Variants in IDUA observed in about 807,000 individuals in gnomAD.
IDUA encodes the protein alpha-L-iduronidase, also known as iduronidase alpha-L-.
In IDUA, 65 loss-of-function variants were observed where a neutral mutation model predicts 68.9. The observed-to-expected ratio is 0.94, with a 90% CI of 0.77 to 1.16. The LOEUF is 1.16. Among genes scored for constraint, IDUA ranks in the 50% most tolerant of loss-of-function variants. The probability of loss-of-function intolerance (pLI) is 0.00; values close to 1 mark genes in which losing one functional copy is unlikely to be tolerated. For synonymous variants in IDUA, 529 were observed against 433.6 expected (o/e 1.22, Z -2.73); for missense variants, 1,046 against 938.0 (o/e 1.12, Z -1.50).
At chr4:988,937 C>G (rs142262555) in intron 2 of IDUA, 2 of 1,598,702 alleles carry the variant, frequency 1.3e-6, no homozygotes, top group Non-Finnish European at 1.7e-6. Flanking sequence ...GCCGTGTCCC[C>G]GGGGCCCTCC....
At chr4:987,699 G>A in intron 1 of IDUA, 110 bp from the exon 2 acceptor site, 2 of 1,548,394 alleles carry the variant, frequency 1.3e-6, no homozygotes, top group Non-Finnish European at 1.7e-6. Context: ...TGAACGCACG[G>A]GCAGCGCCTG....
intron 2 of IDUA, chr4:991,144 A>G (rs751743801): frequency 1.3e-6 from 2 of 1,544,856 alleles, no homozygotes; most frequent in Admixed American, 3.7e-5. Flanking sequence ...AAGCCCGGTC[A>G]TCAGCGTGAG....
rs113373271 is a variant in IDUA, at chr4:1,002,109, C to T, written c.920C>T (p.Ser307Phe). The change falls in exon 7 of 14, where the codon TCC (serine) becomes TTC (phenylalanine). Residue 307 changes from serine to phenylalanine, a missense_variant. Transcript: ENST00000514224. ...NDEADPLVGW[S>F]LPQPWRADVT... ...GAGGCGGACCCGCTGGTGGGCTGGTCCCTGCCACAGCCGTGGAGGGCGGAC... is the reference window on the plus strand; with the variant it reads ...GAGGCGGACCCGCTGGTGGGCTGGTTCCTGCCACAGCCGTGGAGGGCGGAC... 1.0e-5 allele frequency: 16 copies of T among 1,572,458 alleles called. No individual in the cohort carries two copies. The African/African-American group carries it at 1.2e-4, about 12-fold the overall frequency.
intron 2 of IDUA, among the ~76,000 whole-genome samples, chr4:998,403 A>C (rs1034543989): frequency 6.6e-6 from 1 of 152,096 alleles, no homozygotes; most frequent in Non-Finnish European, 1.5e-5. Context: ...ATAGGGCCAG[A>C]TTCCGGTCCA....
rs375392649 is a variant in IDUA, at chr4:1,003,497, C to A, written c.1650+27C>A. ...CAAGTGGCAGTCCCCTAACCCGCGC[C>A]GCGGCCCGGACTCCCCTTCCCCGAC... On this transcript the variant is annotated intron_variant, in intron 11 of 13. Coordinates refer to ENST00000514224, the MANE Select transcript of IDUA (RefSeq NM_000203.5). The A allele has an allele frequency of 8.1e-6, 13 of 1,595,602 alleles. No homozygotes were observed. The East Asian group carries it at 2.7e-4, about 33-fold the overall frequency.
At chr4:1,003,854 C>CCT in intron 12 of IDUA, 158 bp from the exon 13 acceptor site, 2 of 821,066 alleles carry the variant, frequency 2.4e-6, no homozygotes, top group Admixed American at 1.9e-5. Flanking sequence ...GGGCTCCAGC[C>CCT]CTCTCCTGCC....
rs1207917122 is a variant in IDUA at position 1,000,666 on chromosome 4, G to C, written c.354G>C (p.Leu118=). The part of the protein sequence containing the change: ...SYNFTHLDGY[L]DLLRENQLLP... ...ACTTCACCCACCTGGACGGGTACCT[G>C]GACCTTCTCAGGGAGAACCAGCTCC... The change falls in exon 3 of 14, where the codon CTG becomes CTC. Residue 118 remains leucine (L), a synonymous_variant. Coordinates refer to ENST00000514224, the MANE Select transcript of IDUA (RefSeq NM_000203.5). The C allele has an allele frequency of 3.1e-6, 5 of 1,612,436 alleles. No individual in the cohort carries two copies. Among genetic ancestry groups the C allele is most frequent in the Non-Finnish European group, 4.2e-6 (5 of 1,179,798 alleles).
intron 2 of IDUA, chr4:991,729 A>G: frequency 1.3e-6 from 2 of 1,530,244 alleles, no homozygotes; most frequent in Non-Finnish European, 1.7e-6. Context: ...CCCGTGGCCG[A>G]CCTGCGGCCG....
At chr4:1,003,307 T>TC in intron 10 of IDUA, 38 bp from the exon 11 acceptor site, 2 of 1,404,536 alleles carry the variant, frequency 1.4e-6, no homozygotes, top group Non-Finnish European at 1.8e-6. Context: ...CGTCCCCAGC[T>TC]CCCCTGGAGA....
At chr4:997,531 G>C (rs1243836277) in intron 2 of IDUA, among the ~76,000 whole-genome samples, 2 of 151,168 alleles carry the variant, frequency 1.3e-5, no homozygotes, top group East Asian at 1.9e-4. Context: ...GCTCAGCCGC[G>C]GCCGCGCGGT....
At chr4:996,085 C>T (rs879269375) in intron 2 of IDUA, among the ~76,000 whole-genome samples, 1 of 152,230 alleles carries the variant, frequency 6.6e-6, no homozygotes, top group Non-Finnish European at 1.5e-5. Context: ...TCTGATTTCT[C>T]CTCGAAGCCC....
At chr4:996,936 G>A (rs1216513077) in intron 2 of IDUA, among the ~76,000 whole-genome samples, 1 of 152,172 alleles carries the variant, frequency 6.6e-6, no homozygotes, top group Non-Finnish European at 1.5e-5. Flanking sequence ...GGGGGCCCCA[G>A]CAACTGGGAC....
intron 3 of IDUA, 76 bp downstream of exon 3, chr4:1,000,773 C>T: frequency 2.0e-6 from 3 of 1,470,654 alleles, no homozygotes; most frequent in South Asian, 1.1e-5. Context: ...CCCAGCCCCT[C>T]TGAGTCCTTG....
At chr4:1,003,301 C>T in intron 10 of IDUA, 44 bp from the exon 11 acceptor site, 1 of 1,401,836 alleles carries the variant, frequency 7.1e-7, no homozygotes, top group Non-Finnish European at 9.2e-7. Context: ...GCCGAGCGTC[C>T]CCAGCTCCCC....
Position 1,004,157 on chromosome 4 carries a change from G to A in IDUA, c.1828+45G>A. 2 of 1,611,344 alleles carry A rather than the reference G, an allele frequency of 1.2e-6. No individual in the cohort carries two copies. The highest frequency in any genetic ancestry group is 2.2e-5 in the South Asian group (2 of 91,026). On this transcript the variant is annotated intron_variant, in intron 13 of 13. Coordinates refer to ENST00000514224, the MANE Select transcript of IDUA (RefSeq NM_000203.5). The surrounding 1 kb of genome is among the most constrained non-coding windows in gnomAD (Gnocchi z 5.0). ...CCCTGGACTCGGCCACCCCATTCTT[G>A]GGCCTCAGGGCAGTACTGGGTGGGG... is the stretch of plus-strand genomic sequence containing the variant.
chr4:1,000,401 G>A (rs1715000823), intron 2 of IDUA, among the ~76,000 whole-genome samples: 1 of 152,162 alleles, frequency 6.6e-6, no homozygotes, highest in African/African-American at 2.4e-5. Context: ...TGATGGTGTA[G>A]GGTTGGGGGG....
rs1686281502 is a variant in IDUA, at chr4:990,502, C to G, written c.299+2553C>G. ...TGTTGCGGCCCCGTGTGTTCCAAAC[C>G]AGACTCCTCACACGGGCCTGAGTTC... On this transcript the variant is annotated intron_variant, in intron 2 of 13. Transcript: ENST00000514224. 5 of 810,814 alleles carry G rather than the reference C, an allele frequency of 6.2e-6. No individual in the cohort carries two copies. The South Asian group carries it at 9.1e-5, about 15-fold the overall frequency. The allele number at this position is 810,814 out of a possible 1,614,324, so 50.2% of individuals were successfully genotyped here.
At chr4:987,631 C>T (rs1713838727) in intron 1 of IDUA, 178 bp from the exon 2 acceptor site, 2 of 1,444,582 alleles carry the variant, frequency 1.4e-6, no homozygotes, top group Non-Finnish European at 1.8e-6. Context: ...TGCTGCCGTT[C>T]CCCATGAAGA....
chr4:988,943 C>A, intron 2 of IDUA: 1 of 1,597,658 alleles, frequency 6.3e-7, no homozygotes, highest in East Asian at 2.3e-5. Context: ...TCCCCGGGGC[C>A]CTCCCCGAGG....
Sources: gnomAD v4.1 joint callset for allele counts (sites outside exome capture counted in the v4.1 genomes callset) on GRCh38, gnomAD v4.1.1 for gene constraint, Gnocchi (gnomAD v3.1) non-coding constraint, MANE v1.5 for transcripts, NCBI Gene and HGNC (gene_info 2026-07-23, HGNC 2026-07-21) for gene names.